IL23R: variants seen among roughly 807,000 people sequenced by gnomAD.
IL23R encodes the protein interleukin-23 receptor.
Under a neutral mutation model 56.9 loss-of-function variants are expected in IL23R, and 34 were observed. The ratio of observed to expected loss-of-function variants is 0.60; its 90% CI spans 0.45 to 0.80. The LOEUF (loss-of-function observed/expected upper bound fraction) is 0.80, where lower values mean the gene tolerates loss of function less well. IL23R is among the 30% of genes least tolerant of loss of function. The pLI is 0.00. For missense variants in IL23R, 635 were observed against 730.0 expected, an observed-to-expected ratio of 0.87 and a Z score of 1.50; for synonymous variants, 230 against 249.2, an observed-to-expected ratio of 0.92 and a Z score of 0.73.
intron 9 of IL23R, among the ~76,000 whole-genome samples, chr1:67,246,752 T>C (rs571684389): frequency 6.6e-6 from 1 of 152,250 alleles, no homozygotes; most frequent in African/African-American, 2.4e-5. Flanking sequence ...AATTTTAGAG[T>C]ATGTGTGATG....
At chr1:67,251,924 G>C (rs776807128) in intron 9 of IL23R, among the ~76,000 whole-genome samples, 16 of 152,176 alleles carry the variant, frequency 1.1e-4, no homozygotes, top group Non-Finnish European at 1.8e-4. Flanking sequence ...TAAAATTCCT[G>C]TTCCCTTGAA....
At chr1:67,240,306 T>C in intron 9 of IL23R, 25 bp downstream of exon 9, 1 of 1,510,954 alleles carries the variant, frequency 6.6e-7, no homozygotes, top group Non-Finnish European at 9.2e-7. Context: ...AATTTCTGTT[T>C]TCTGATTTAG....
chr1:67,178,548 A>G (rs901042652), intron 3 of IL23R, among the ~76,000 whole-genome samples: 1 of 152,206 alleles, frequency 6.6e-6, no homozygotes, highest in Non-Finnish European at 1.5e-5. Context: ...TAGATATACA[A>G]TCATGTCATC....
In IL23R at chr1:67,259,293, G is replaced by C; in HGVS notation, c.*165G>C. On this transcript the variant is annotated 3_prime_UTR_variant, in exon 11 of 11. Coordinates refer to ENST00000347310, the MANE Select transcript of IL23R (RefSeq NM_144701.3). Reference sequence around the variant, plus strand: ...TTCCCTTGGATAAATACCTAGGTAGGGGATTGCTGGGCCATATGATAAGCA... The same window carrying C: ...TTCCCTTGGATAAATACCTAGGTAGCGGATTGCTGGGCCATATGATAAGCA... 2.9e-6 allele frequency: 2 copies of C among 684,510 alleles called. No individual in the cohort carries two copies. Among genetic ancestry groups the C allele is most frequent in the Non-Finnish European group, 5.1e-6 (2 of 395,248 alleles). The allele number at this position is 684,510 out of a possible 1,614,324, so 42.4% of individuals were successfully genotyped here.
chr1:67,169,374 T>A lies in IL23R; in HGVS notation c.103T>A (p.Trp35Arg). The change falls in exon 3 of 11, where the codon TGG becomes AGG. Residue 35 changes from tryptophan to arginine, a missense_variant. Physicochemically the swap from Trp to Arg is moderately radical, Grantham distance 101. Coordinates refer to ENST00000347310, the MANE Select transcript of IL23R (RefSeq NM_144701.3). ...ITNINCSGHIWVEPATIFKMG... is the reference protein window; with the variant it reads ...ITNINCSGHIRVEPATIFKMG... The stretch of plus-strand genomic sequence containing the variant: ...AAATATAAACTGCTCTGGCCACATC[T>A]GGGTAGAACCAGCCACAATTTTTAA... 2.5e-6 allele frequency: 4 copies of A among 1,612,874 alleles called. No individual in the cohort carries two copies. Among genetic ancestry groups the A allele is most frequent in the Non-Finnish European group, 1.7e-6 (2 of 1,179,204 alleles).
At chr1:67,245,531 T>A (rs1652160483) in intron 9 of IL23R, among the ~76,000 whole-genome samples, 1 of 152,202 alleles carries the variant, frequency 6.6e-6, no homozygotes, top group African/African-American at 2.4e-5. Flanking sequence ...GCTGTTGAAT[T>A]TTGTCAAAGG....
chr1:67,239,981 A>G (rs1197611355), intron 8 of IL23R, among the ~76,000 whole-genome samples, 198 bp from the exon 9 acceptor site: 1 of 152,186 alleles, frequency 6.6e-6, no homozygotes, highest in African/African-American at 2.4e-5. Flanking sequence ...AACTTTCTCA[A>G]ACAAAAAGTT....
intron 1 of IL23R, among the ~76,000 whole-genome samples, chr1:67,156,616 G>A (rs1646772095): frequency 6.6e-6 from 1 of 152,180 alleles, no homozygotes; most frequent in Non-Finnish European, 1.5e-5. Flanking sequence ...GCTGTTAGGG[G>A]AAAACCGCTT....
intron 4 of IL23R, among the ~76,000 whole-genome samples, chr1:67,183,710 G>A (rs59534774): frequency 1.3e-3 from 199 of 152,176 alleles, no homozygotes; most frequent in African/African-American, 4.1e-3. Flanking sequence ...GGCTTTTAAA[G>A]TGTATATAAT....
intron 7 of IL23R, among the ~76,000 whole-genome samples, chr1:67,232,317 G>A (rs368924715): frequency 6.6e-6 from 1 of 152,280 alleles, no homozygotes; most frequent in South Asian, 2.1e-4. Flanking sequence ...AGTAGGGCTT[G>A]TGGGGTCCAG....
intron 1 of IL23R, among the ~76,000 whole-genome samples, chr1:67,158,095 A>G (rs1341900564): frequency 6.6e-6 from 1 of 152,096 alleles, no homozygotes; most frequent in African/African-American, 2.4e-5. Context: ...GGGGGCCTGT[A>G]ATCCCAGCTA....
At chr1:67,141,153 T>C (rs1300675525) in intron 1 of IL23R, among the ~76,000 whole-genome samples, 1 of 152,212 alleles carries the variant, frequency 6.6e-6, no homozygotes, top group South Asian at 2.1e-4. Flanking sequence ...ATACACAGAA[T>C]GATTCTTTTA....
chr1:67,148,036 C>T (rs986059534), intron 1 of IL23R, among the ~76,000 whole-genome samples: 2 of 152,200 alleles, frequency 1.3e-5, no homozygotes, highest in African/African-American at 4.8e-5. Flanking sequence ...CCGTGGGTCA[C>T]GGAAGAGAAC....
intron 6 of IL23R, among the ~76,000 whole-genome samples, chr1:67,212,038 C>T (rs1649513087): frequency 6.6e-6 from 1 of 152,120 alleles, no homozygotes; most frequent in African/African-American, 2.4e-5. Flanking sequence ...CTCACAGACT[C>T]TACATCACTT....
intron 7 of IL23R, among the ~76,000 whole-genome samples, chr1:67,226,262 C>A (rs1650610208): frequency 6.6e-6 from 1 of 152,198 alleles, no homozygotes; most frequent in African/African-American, 2.4e-5. Flanking sequence ...AACTGTTAAC[C>A]AGCTCAGTGC....
At chr1:67,179,630 C>T (rs917252368) in intron 3 of IL23R, among the ~76,000 whole-genome samples, 3 of 152,086 alleles carry the variant, frequency 2.0e-5, no homozygotes, top group African/African-American at 7.2e-5. Flanking sequence ...CAGTTCTGCT[C>T]TGATCTTAGT....
intron 7 of IL23R, among the ~76,000 whole-genome samples, chr1:67,220,228 G>T (rs1650151808): frequency 6.6e-6 from 1 of 151,992 alleles, no homozygotes; most frequent in African/African-American, 2.4e-5. Flanking sequence ...AATTAGCTGG[G>T]CATGGTGGCA....
chr1:67,230,094 C>T (rs1268540142), intron 7 of IL23R, among the ~76,000 whole-genome samples: 1 of 152,204 alleles, frequency 6.6e-6, no homozygotes, highest in Admixed American at 6.5e-5. Context: ...CTGATCACTG[C>T]CACTGCCTGC....
rs578083618 is a variant in IL23R at position 67,176,894 on chromosome 1, T to A, written c.368-5942T>A. ...AGTGAGAACATGTGGTGTGATAGTT[T>A]GCTGAGAATGATGGTTTCCAGCTTC... On this transcript the variant is annotated intron_variant, in intron 3 of 10. Coordinates refer to ENST00000347310, the MANE Select transcript of IL23R (RefSeq NM_144701.3). 9.8e-5 allele frequency among the ~76,000 whole-genome samples: 15 copies of A among 152,332 alleles called. No homozygotes were observed. The South Asian group carries it at 1.7e-3, about 17-fold the overall frequency.
Sources: gnomAD v4.1 joint callset for allele counts (sites outside exome capture counted in the v4.1 genomes callset) on GRCh38, gnomAD v4.1.1 for gene constraint, MANE v1.5 for transcripts, NCBI Gene and HGNC (gene_info 2026-07-23, HGNC 2026-07-21) for gene names.